ORMDL1: variants seen among roughly 807,000 people sequenced by gnomAD.
ORMDL1 encodes ORM1-like protein 1.
Under a neutral mutation model 13.0 loss-of-function variants are expected in ORMDL1, and 10 were observed. That is an observed-to-expected ratio of 0.77 (90% CI 0.47 to 1.30). ORMDL1 has a LOEUF of 1.30. Among genes scored for constraint, ORMDL1 ranks in the 50% most tolerant of loss-of-function variants. The pLI, the probability that ORMDL1 is intolerant of heterozygous loss-of-function variation, is 0.00. For missense variants in ORMDL1, 171 were observed against 186.7 expected (o/e 0.92, Z 0.49); for synonymous variants, 61 against 63.9 (o/e 0.95, Z 0.22).
chr2:189,767,323 T>G (rs992703733), downstream of ORMDL1, among the ~76,000 whole-genome samples: 1 of 152,230 alleles, frequency 6.6e-6, no homozygotes, highest in Admixed American at 6.5e-5. Flanking sequence ...GAGAGACAAA[T>G]GTTTCAAAGG....
chr2:189,782,012 G>C (rs1430435119), intron 3 of ORMDL1, among the ~76,000 whole-genome samples: 2 of 151,034 alleles, frequency 1.3e-5, no homozygotes, highest in Non-Finnish European at 2.9e-5. Context: ...GAATGATCTC[G>C]GCTCATTGCA....
chr2:189,769,348 C>T (rs558544082), downstream of ORMDL1, among the ~76,000 whole-genome samples: 1,419 of 151,660 alleles, frequency 9.4e-3, 24 homozygotes, highest in African/African-American at 0.033. Context: ...GATCACGCCA[C>T]TGCACTCCAG....
rs551504439 is a variant in ORMDL1 at position 189,781,078 on chromosome 2, C to T, written c.174+1344G>A. On this transcript the variant is annotated intron_variant, in intron 3 of 4. Coordinates refer to ENST00000392349, the MANE Select transcript of ORMDL1 (RefSeq NM_016467.5). ...ATAGATGTGCTGCCACCATGCCAGG[C>T]TAAGGTTTTGTATTTTTTGTAGAGA... 9.2e-5 allele frequency among the ~76,000 whole-genome samples: 14 copies of T among 152,076 alleles called. No individual in the cohort carries two copies. The South Asian group carries it at 2.7e-3, about 29-fold the overall frequency.
the ORMDL1 span, chr2:189,764,104 G>T: frequency 1.3e-5 from 2 of 152,152 alleles, no homozygotes; most frequent in Non-Finnish European, 2.9e-5. Flanking sequence ...ACTGGAGTCT[G>T]TTTTCTTAAC....
At chr2:189,772,875 TAC>T (rs2047609259) in intron 4 of ORMDL1, among the ~76,000 whole-genome samples, 1 of 152,216 alleles carries the variant, frequency 6.6e-6, no homozygotes, top group African/African-American at 2.4e-5. Context: ...GAGAATTTTA[TAC>T]ATTTTTAAAA....
In ORMDL1 at chr2:189,782,617, G is replaced by C; in HGVS notation, c.-7-15C>G. On this transcript the variant is annotated splice_polypyrimidine_tract_variant and intron_variant, in intron 2 of 4. Coordinates refer to ENST00000392349, the MANE Select transcript of ORMDL1 (RefSeq NM_016467.5). Reference sequence around the variant, plus strand: ...TCATGTTTGCTCTGTAGGAAGTAATGAAATGAATCAACACTGATACAACTG... The same window carrying C: ...TCATGTTTGCTCTGTAGGAAGTAATCAAATGAATCAACACTGATACAACTG... 6.2e-7 allele frequency: 1 copy of C among 1,608,822 alleles called. No homozygotes were observed. Among genetic ancestry groups the C allele is most frequent in the Non-Finnish European group, 8.5e-7 (1 of 1,175,978 alleles).
chr2:189,775,446 G>A, intron 4 of ORMDL1, 119 bp downstream of exon 4: 2 of 1,078,952 alleles, frequency 1.9e-6, no homozygotes, highest in East Asian at 2.6e-5. Flanking sequence ...TTCTATCCGA[G>A]GTGCTACTTA....
chr2:189,767,191 AT>A (rs1319331379), downstream of ORMDL1, among the ~76,000 whole-genome samples: 1 of 152,066 alleles, frequency 6.6e-6, no homozygotes, highest in Non-Finnish European at 1.5e-5. Context: ...TTATTTCCTT[AT>A]TTTTCAAGTG....
chr2:189,782,675 G>T, intron 2 of ORMDL1, 73 bp from the exon 3 acceptor site: 1 of 1,391,292 alleles, frequency 7.2e-7, no homozygotes, highest in Non-Finnish European at 1.0e-6. Flanking sequence ...GACATGACAA[G>T]GTACCTGTGT....
chr2:189,777,359 CAG>C (rs2047722093), intron 3 of ORMDL1, among the ~76,000 whole-genome samples: 1 of 150,634 alleles, frequency 6.6e-6, no homozygotes, highest in African/African-American at 2.5e-5. Context: ...AATTATAAAA[CAG>C]AAAGTATATG....
chr2:189,780,138 A>G (rs951224476), intron 3 of ORMDL1, among the ~76,000 whole-genome samples: 1 of 152,218 alleles, frequency 6.6e-6, no homozygotes, highest in African/African-American at 2.4e-5. Flanking sequence ...TTTCATATAC[A>G]TCATACACAC....
chr2:189,780,633 A>C (rs1375824757), intron 3 of ORMDL1, among the ~76,000 whole-genome samples: 1 of 152,210 alleles, frequency 6.6e-6, no homozygotes, highest in African/African-American at 2.4e-5. Flanking sequence ...AGAAATATTT[A>C]AGAGAGGAAA....
At chr2:189,781,977 C>T (rs1373346850) in intron 3 of ORMDL1, among the ~76,000 whole-genome samples, 1 of 149,142 alleles carries the variant, frequency 6.7e-6, no homozygotes, top group Non-Finnish European at 1.5e-5. Context: ...AAATCTCACT[C>T]TGTCACCTAG....
chr2:189,780,699 A>T (rs1477769899), intron 3 of ORMDL1, among the ~76,000 whole-genome samples: 3 of 152,240 alleles, frequency 2.0e-5, no homozygotes, highest in African/African-American at 7.2e-5. Context: ...TGCCGGTGAA[A>T]GTGATCCTAT....
At position 189,782,588 on chromosome 2, in the gene ORMDL1, A is replaced by G. The variant is rs779618449; in HGVS notation, c.8T>C (p.Val3Ala). The G allele has an allele frequency of 6.2e-7, 1 of 1,613,954 alleles. No homozygotes were observed. The highest frequency in any genetic ancestry group is 2.2e-5 in the East Asian group (1 of 44,874). The change falls in exon 3 of 5, where the codon GTT (valine) becomes GCT (alanine). Residue 3 changes from valine (V) to alanine (A), a missense_variant. Coordinates refer to ENST00000392349, the MANE Select transcript of ORMDL1 (RefSeq NM_016467.5). MNVGVAHSEVNPN... is the reference protein window; with the variant it reads MNAGVAHSEVNPN... ...ATTCACTTCACTGTGGGCAACTCCA[A>G]CGTTCATGTTTGCTCTGTAGGAAGT...
At chr2:189,769,654 A>C (rs1204162441), downstream of ORMDL1, among the ~76,000 whole-genome samples, 1 of 152,222 alleles carries the variant, frequency 6.6e-6, no homozygotes, top group African/African-American at 2.4e-5. Context: ...GCAACAAATC[A>C]TAATAATGGA....
At chr2:189,766,705 CAGA>C (rs1400762475), downstream of ORMDL1, among the ~76,000 whole-genome samples, 1 of 145,330 alleles carries the variant, frequency 6.9e-6, no homozygotes, top group African/African-American at 2.6e-5. Context: ...GCCTAGGCAA[CAGA>C]AGGAGACTCC....
downstream of ORMDL1, among the ~76,000 whole-genome samples, chr2:189,770,082 A>T (rs553010362): frequency 7.0e-4 from 106 of 152,330 alleles, no homozygotes; most frequent in African/African-American, 2.5e-3. Context: ...GGCCCTTCAA[A>T]TATCTACTGA....
chr2:189,780,137 C>A (rs189018859), intron 3 of ORMDL1, among the ~76,000 whole-genome samples: 1 of 152,316 alleles, frequency 6.6e-6, no homozygotes, highest in East Asian at 1.9e-4. Flanking sequence ...GTTTCATATA[C>A]ATCATACACA....
Sources: allele counts gnomAD v4.1 joint callset (sites outside exome capture counted in the v4.1 genomes callset), GRCh38; gene constraint gnomAD v4.1.1; transcripts MANE v1.5; gene names NCBI Gene and HGNC (gene_info 2026-07-23, HGNC 2026-07-21).